Variants in ZDHHC21 observed in about 807,000 individuals in gnomAD.
ZDHHC21 encodes zDHHC palmitoyltransferase 21.
In ZDHHC21, 15 loss-of-function variants were observed where a neutral mutation model predicts 34.6. That is an observed-to-expected ratio of 0.43 (90% CI 0.29 to 0.67). ZDHHC21 has a LOEUF of 0.67. Ranked by LOEUF, ZDHHC21 falls within the 30% of genes least tolerant of loss-of-function variation. The pLI, the probability that ZDHHC21 is intolerant of heterozygous loss-of-function variation, is 0.14. For missense variants in ZDHHC21, 344 were observed against 327.7 expected (o/e 1.05, Z -0.38); for synonymous variants, 142 against 101.8 (o/e 1.40, Z -2.38).
At chr9:14,684,135 C>G (rs1349629742) in intron 2 of ZDHHC21, among the ~76,000 whole-genome samples, 1 of 151,476 alleles carries the variant, frequency 6.6e-6, no homozygotes, top group African/African-American at 2.4e-5. Context: ...CCTTTGAAAA[C>G]TGGCACAAGA....
intron 7 of ZDHHC21, among the ~76,000 whole-genome samples, chr9:14,640,577 C>T (rs914542543): frequency 2.0e-4 from 31 of 152,040 alleles, no homozygotes; most frequent in African/African-American, 7.2e-4. Flanking sequence ...ATCCAGTCAC[C>T]CAACCACCAT....
chr9:14,679,470 T>G (rs1418552354), intron 3 of ZDHHC21, among the ~76,000 whole-genome samples: 1 of 152,154 alleles, frequency 6.6e-6, no homozygotes, highest in Non-Finnish European at 1.5e-5. Flanking sequence ...TGTGCATAAG[T>G]AATTTCTGCA....
chr9:14,638,735 G>T (rs933314030), intron 8 of ZDHHC21, among the ~76,000 whole-genome samples: 3 of 151,550 alleles, frequency 2.0e-5, no homozygotes, highest in African/African-American at 7.3e-5. Context: ...CTCAAAAGAA[G>T]ATATGCAAAT....
the ZDHHC21 span, among the ~76,000 whole-genome samples, chr9:14,601,608 A>G: frequency 1.2e-4 from 19 of 152,222 alleles, no homozygotes; most frequent in African/African-American, 4.3e-4. Flanking sequence ...AGGATCTATA[A>G]CCAGAATTAC....
At chr9:14,590,834 T>C in the ZDHHC21 span, among the ~76,000 whole-genome samples, 4 of 152,048 alleles carry the variant, frequency 2.6e-5, no homozygotes, top group Non-Finnish European at 4.4e-5. Flanking sequence ...GATAAACATA[T>C]GGGGAAATTT....
chr9:14,655,102 A>G lies in ZDHHC21; in HGVS notation c.504+3647T>C, dbSNP rs150663470. ...TTGCTAAAATACAAAGACCAAAAGA[A>G]ATCATAAAAACAGCTAAAGAAAAAC... On this transcript the variant is annotated intron_variant, in intron 7 of 9. Transcript: ENST00000380916. Among the ~76,000 whole-genome samples the G allele has an allele frequency of 4.5e-3, 678 of 152,144 alleles. 7 individuals carry two copies. Among genetic ancestry groups the G allele is most frequent in the Middle Eastern group, 0.014 (4 of 294 alleles).
At chr9:14,687,374 A>G (rs547094276) in intron 2 of ZDHHC21, among the ~76,000 whole-genome samples, 3 of 150,928 alleles carry the variant, frequency 2.0e-5, no homozygotes, top group Admixed American at 2.0e-4. Context: ...CTATGTGGTA[A>G]TAAAAGTAAT....
At chr9:14,677,111 A>T (rs577979700) in intron 3 of ZDHHC21, among the ~76,000 whole-genome samples, 1 of 152,116 alleles carries the variant, frequency 6.6e-6, no homozygotes, top group South Asian at 2.1e-4. Flanking sequence ...TCACTGGAAG[A>T]GATCTCTCAC....
the ZDHHC21 span, among the ~76,000 whole-genome samples, chr9:14,602,379 A>T: frequency 6.6e-6 from 1 of 152,094 alleles, no homozygotes; most frequent in African/African-American, 2.4e-5. Flanking sequence ...TGGGAGTTCC[A>T]TGAGATGAGA....
At chr9:14,624,319 G>T (rs141030525) in intron 8 of ZDHHC21, among the ~76,000 whole-genome samples, 1 of 152,038 alleles carries the variant, frequency 6.6e-6, no homozygotes, top group South Asian at 2.1e-4. Context: ...ATCCCCCATG[G>T]AGAGTGAGGG....
chr9:14,602,928 C>CAAAAAAAA, the ZDHHC21 span, among the ~76,000 whole-genome samples: 6 of 88,058 alleles, frequency 6.8e-5, no homozygotes, highest in African/African-American at 2.5e-4. Flanking sequence ...GACTTCATCT[C>CAAAAAAAA]AAAAAAAAAA....
chr9:14,597,955 T>G, the ZDHHC21 span, among the ~76,000 whole-genome samples: 3 of 152,082 alleles, frequency 2.0e-5, no homozygotes, highest in Non-Finnish European at 4.4e-5. Context: ...GCCAGAGAAC[T>G]TGCCTGCCCA....
chr9:14,642,031 T>C (rs1021360891), intron 7 of ZDHHC21, among the ~76,000 whole-genome samples: 1 of 152,176 alleles, frequency 6.6e-6, no homozygotes, highest in Non-Finnish European at 1.5e-5. Flanking sequence ...CTACTCCCAG[T>C]GAAAAGATTT....
intron 3 of ZDHHC21, among the ~76,000 whole-genome samples, chr9:14,677,728 T>A (rs1244392633): frequency 6.6e-6 from 1 of 152,042 alleles, no homozygotes; most frequent in Non-Finnish European, 1.5e-5. Flanking sequence ...AGCACAAACT[T>A]TAAAAACAAT....
chr9:14,590,019 G>A, the ZDHHC21 span: 1 of 151,826 alleles, frequency 6.6e-6, no homozygotes, highest in African/African-American at 2.4e-5. Context: ...TAACAGACAA[G>A]GAGCTTAAAA....
At chr9:14,634,159 A>G (rs1326177633) in intron 8 of ZDHHC21, among the ~76,000 whole-genome samples, 1 of 152,120 alleles carries the variant, frequency 6.6e-6, no homozygotes, top group East Asian at 1.9e-4. Flanking sequence ...CCAGCCTGCT[A>G]CTACCACCAC....
intron 7 of ZDHHC21, among the ~76,000 whole-genome samples, chr9:14,646,990 A>G (rs377681214): frequency 2.3e-4 from 35 of 152,276 alleles, no homozygotes; most frequent in African/African-American, 8.2e-4. Flanking sequence ...AATGAAAACA[A>G]AGAAAATTGG....
At chr9:14,609,126 A>AT (rs1564157596), downstream of ZDHHC21, among the ~76,000 whole-genome samples, 1 of 151,982 alleles carries the variant, frequency 6.6e-6, no homozygotes, top group Admixed American at 6.6e-5. Context: ...AAACCACACT[A>AT]TCGCTTAAAA....
At chr9:14,608,055 T>C (rs1193366295), downstream of ZDHHC21, among the ~76,000 whole-genome samples, 5 of 152,212 alleles carry the variant, frequency 3.3e-5, no homozygotes, top group Non-Finnish European at 1.5e-5. Context: ...GACATCAAGT[T>C]ACAAGTGCAG....
Sources: gnomAD v4.1 joint callset for allele counts (sites outside exome capture counted in the v4.1 genomes callset) on GRCh38, gnomAD v4.1.1 for gene constraint, MANE v1.5 for transcripts, NCBI Gene and HGNC (gene_info 2026-07-23, HGNC 2026-07-21) for gene names.